Variants in ATP8A2 observed in about 807,000 individuals in gnomAD.
ATP8A2 encodes the protein phospholipid-transporting ATPase IB.
A neutral mutation model predicts 165.6 loss-of-function variants in ATP8A2; 100 were observed. The ratio of observed to expected loss-of-function variants is 0.60; its 90% CI spans 0.51 to 0.71. The LOEUF is 0.71. Among genes scored for constraint, ATP8A2 ranks in the 30% least tolerant of loss-of-function variants. The pLI, the probability that ATP8A2 is intolerant of heterozygous loss-of-function variation, is 0.00. For missense variants in ATP8A2, 1,227 were observed against 1,479.5 expected (o/e 0.83, Z 2.80); for synonymous variants, 543 against 548.8 (o/e 0.99, Z 0.15).
At chr13:25,876,366 A>G (rs1424111715) in intron 33 of ATP8A2, among the ~76,000 whole-genome samples, 3 of 152,202 alleles carry the variant, frequency 2.0e-5, no homozygotes, top group Non-Finnish European at 4.4e-5. Flanking sequence ...AGAGTAAGGA[A>G]AAGCAGAGAG....
At chr13:25,800,952 G>T (rs758951657) in intron 27 of ATP8A2, among the ~76,000 whole-genome samples, 1 of 152,144 alleles carries the variant, frequency 6.6e-6, no homozygotes, top group Non-Finnish European at 1.5e-5. Flanking sequence ...TCAGGGTCGA[G>T]AATTTCTGAG....
rs188078330 is a variant in ATP8A2, at chr13:25,918,593, A to G, written c.3184-42982A>G. Among the ~76,000 whole-genome samples the G allele has an allele frequency of 4.3e-3, 659 of 152,304 alleles. 4 individuals are homozygous for G. Among genetic ancestry groups the G allele is most frequent in the African/African-American group, 0.015 (637 of 41,552 alleles). On this transcript the variant is annotated intron_variant, in intron 33 of 36. Coordinates refer to ENST00000381655, the MANE Select transcript of ATP8A2 (RefSeq NM_016529.6). The stretch of plus-strand genomic sequence containing the variant: ...TAAGCAGCAGTTTATGTTATAATAT[A>G]TTATAATTGCTTATTTTAAAGATAA...
At chr13:25,832,383 T>G (rs1456793319) in intron 28 of ATP8A2, among the ~76,000 whole-genome samples, 6 of 152,218 alleles carry the variant, frequency 3.9e-5, no homozygotes, top group Non-Finnish European at 5.9e-5. Context: ...AAATGAATCC[T>G]GTTGTCAAGC....
At chr13:25,861,034 G>A (rs1267706094) in intron 32 of ATP8A2, among the ~76,000 whole-genome samples, 174 bp downstream of exon 32, 1 of 152,076 alleles carries the variant, frequency 6.6e-6, no homozygotes, top group East Asian at 1.9e-4. Context: ...AAAGTCTCTT[G>A]GTGATTCATT....
chr13:25,862,515 G>T, intron 33 of ATP8A2, 107 bp downstream of exon 33: 1 of 814,604 alleles, frequency 1.2e-6, no homozygotes. Context: ...ATGAGCTTCA[G>T]GAGAGGCTGG....
intron 25 of ATP8A2, among the ~76,000 whole-genome samples, chr13:25,728,407 C>T (rs2043541427): frequency 6.6e-6 from 1 of 152,166 alleles, no homozygotes; most frequent in Admixed American, 6.5e-5. Context: ...AATAATATTA[C>T]CTGCTTAGAG....
chr13:25,813,382 T>TATATGATATGATATG (rs57194469), intron 27 of ATP8A2, among the ~76,000 whole-genome samples: 4,468 of 147,192 alleles, frequency 0.03, 99 homozygotes, highest in African/African-American at 0.043. Flanking sequence ...AGGATGATGA[T>TATATGATATGATATG]ATATGATATG....
At chr13:25,837,363 G>A (rs962924952) in intron 29 of ATP8A2, 78 bp downstream of exon 29, 1 of 1,521,668 alleles carries the variant, frequency 6.6e-7, no homozygotes, top group African/African-American at 1.4e-5. Flanking sequence ...CTAGGAGATA[G>A]TTGAAGCTTG....
intron 27 of ATP8A2, among the ~76,000 whole-genome samples, chr13:25,776,908 T>G (rs1008036950): frequency 6.6e-6 from 1 of 152,090 alleles, no homozygotes; most frequent in African/African-American, 2.4e-5. Context: ...CTCCCAATCT[T>G]TCACTTTTCA....
chr13:25,561,969 G>T (rs2138123841), intron 15 of ATP8A2, among the ~76,000 whole-genome samples: 1 of 152,304 alleles, frequency 6.6e-6, no homozygotes, highest in Middle Eastern at 3.4e-3. Context: ...TTGGAAGGCT[G>T]AGTAATATGC....
intron 25 of ATP8A2, among the ~76,000 whole-genome samples, chr13:25,744,348 C>T (rs1394552713): frequency 6.6e-6 from 1 of 151,830 alleles, no homozygotes; most frequent in Non-Finnish European, 1.5e-5. Context: ...TATGTGCGCC[C>T]TTCTCTGTGA....
intron 24 of ATP8A2, among the ~76,000 whole-genome samples, chr13:25,661,968 C>T (rs2137695756): frequency 6.6e-6 from 1 of 152,204 alleles, no homozygotes; most frequent in South Asian, 2.1e-4. Flanking sequence ...TTTCCTAGGA[C>T]ACTAGAGACA....
At chr13:25,828,430 A>G (rs2138603031) in intron 28 of ATP8A2, among the ~76,000 whole-genome samples, 1 of 152,300 alleles carries the variant, frequency 6.6e-6, no homozygotes, top group Non-Finnish European at 1.5e-5. Flanking sequence ...TTATTAACCC[A>G]TATATCTTGA....
intron 25 of ATP8A2, among the ~76,000 whole-genome samples, chr13:25,728,654 A>T (rs1253827738): frequency 6.6e-6 from 1 of 152,090 alleles, no homozygotes. Flanking sequence ...GCTTCTAAAA[A>T]CCGTGCAAGT....
chr13:25,379,482 A>G (rs2032758929), intron 1 of ATP8A2, among the ~76,000 whole-genome samples: 1 of 152,194 alleles, frequency 6.6e-6, no homozygotes, highest in Non-Finnish European at 1.5e-5. Context: ...AGGAGAGAAC[A>G]GTGGCCTGGC....
chr13:25,680,362 G>A (rs2042459954), intron 24 of ATP8A2, among the ~76,000 whole-genome samples: 1 of 152,310 alleles, frequency 6.6e-6, no homozygotes, highest in East Asian at 1.9e-4. Flanking sequence ...GGAATTGGCA[G>A]CCAGTCACCA....
At chr13:25,648,620 C>T (rs1482927515) in intron 24 of ATP8A2, among the ~76,000 whole-genome samples, 11 of 152,092 alleles carry the variant, frequency 7.2e-5, no homozygotes, top group South Asian at 2.1e-4. Flanking sequence ...GCCTAGATCA[C>T]GTCACTGCAC....
At chr13:25,852,103 G>A (rs1182125789) in intron 30 of ATP8A2, among the ~76,000 whole-genome samples, 1 of 152,162 alleles carries the variant, frequency 6.6e-6, no homozygotes, top group Non-Finnish European at 1.5e-5. Flanking sequence ...AATTCTCTCT[G>A]TTAGACATTC....
Position 25,836,359 on chromosome 13 carries a change from G to T in ATP8A2, c.2755-804G>T, listed in dbSNP as rs1286025595. Among the ~76,000 whole-genome samples the T allele has an allele frequency of 2.6e-5, 4 of 152,144 alleles. No homozygotes were observed. In the East Asian group the frequency reaches 7.7e-4, roughly 29 times the overall value. ...AACGTTGTTCAACACCTCCAAACAGGCATGCTGATGTCTCAGAGCTTTGTA... is the reference window on the plus strand; with the variant it reads ...AACGTTGTTCAACACCTCCAAACAGTCATGCTGATGTCTCAGAGCTTTGTA... On this transcript the variant is annotated intron_variant, in intron 28 of 36. Coordinates refer to ENST00000381655, the MANE Select transcript of ATP8A2 (RefSeq NM_016529.6).
Sources: allele counts gnomAD v4.1 joint callset (sites outside exome capture counted in the v4.1 genomes callset), GRCh38; gene constraint gnomAD v4.1.1; transcripts MANE v1.5; gene names NCBI Gene and HGNC (gene_info 2026-07-23, HGNC 2026-07-21).